The following KCNK9 variants were observed in gnomAD, a reference collection of about 807,000 sequenced individuals.
KCNK9 encodes potassium channel subfamily K member 9.
In KCNK9, 1 loss-of-function variant was observed where a neutral mutation model predicts 10.8. The observed-to-expected ratio is 0.09, with a 90% CI of 0.03 to 0.44. KCNK9 has a LOEUF of 0.44. Ranked by LOEUF, KCNK9 falls within the 20% of genes least tolerant of loss-of-function variation. The pLI, the probability that KCNK9 is intolerant of heterozygous loss-of-function variation, is 0.97. For synonymous variants in KCNK9, 231 were observed against 222.7 expected, an observed-to-expected ratio of 1.04 and a Z score of -0.33; for missense variants, 303 against 515.0, an observed-to-expected ratio of 0.59 and a Z score of 3.98.
rs747048009 is a variant in KCNK9, at chr8:139,702,864, G to C, written c.129C>G (p.Ala43=). 6.2e-6 allele frequency: 10 copies of C among 1,613,868 alleles called. No homozygotes were observed. Among genetic ancestry groups the C allele is most frequent in the African/African-American group, 1.3e-5 (1 of 74,868 alleles). Residue 43 remains alanine, a synonymous_variant, in exon 1 of 2, where the codon GCC becomes GCG. Coordinates refer to ENST00000520439, the MANE Select transcript of KCNK9 (RefSeq NM_001282534.2). This position sits in a 1 kb window ranked among gnomAD's most constrained non-coding sequence, Gnocchi z 7.5. ...HEMREEEKLK[A]EEIRIKGKYN... is the part of the protein sequence containing the mutation. ...ACTTCCCCTTGATCCGGATCTCCTC[G>C]GCTTTGAGTTTCTCCTCCTCGCGCA...
intron 2 of KCNK9, among the ~76,000 whole-genome samples, chr8:139,603,913 G>A (rs1817428272): frequency 1.3e-5 from 2 of 152,218 alleles, no homozygotes; most frequent in Admixed American, 1.3e-4. Context: ...TGGATCCCCA[G>A]TCCACATTCT....
At position 139,618,390 on chromosome 8, in the gene KCNK9, A is replaced by G; in HGVS notation, c.993T>C (p.Ser331=). Residue 331 remains serine, a synonymous_variant, in exon 2 of 2, where the codon TCT becomes TCC. Coordinates refer to ENST00000520439, the MANE Select transcript of KCNK9 (RefSeq NM_001282534.2). This position sits in a 1 kb window ranked among gnomAD's most constrained non-coding sequence, Gnocchi z 7.9. ...KLAPHYFHSI[S]YKIEEISPST... Reference sequence around the variant, plus strand: ...TTGGTGAGATCTCCTCGATCTTGTAAGAGATGGAGTGGAAGTAGTGGGGGG... The same window carrying G: ...TTGGTGAGATCTCCTCGATCTTGTAGGAGATGGAGTGGAAGTAGTGGGGGG... 1 of 1,614,026 alleles carries G rather than the reference A, an allele frequency of 6.2e-7. No individual in the cohort carries two copies. Among genetic ancestry groups the G allele is most frequent in the Non-Finnish European group, 8.5e-7 (1 of 1,179,988 alleles).
At chr8:139,630,983 CAGGGGCTCCGCTCCCTGCAAG>C (rs1361069119) in intron 1 of KCNK9, among the ~76,000 whole-genome samples, 1 of 152,228 alleles carries the variant, frequency 6.6e-6, no homozygotes, top group African/African-American at 2.4e-5. Context: ...GCCTGTGCCT[CAGGGGCTCCGCTCCCTGCAAG>C]AGGGGCTCTG....
At chr8:139,695,019 G>A (rs1817018127) in intron 1 of KCNK9, among the ~76,000 whole-genome samples, 2 of 152,220 alleles carry the variant, frequency 1.3e-5, no homozygotes, top group Non-Finnish European at 2.9e-5. Context: ...ACTCACAGAT[G>A]CACCTGAATT....
downstream of KCNK9, among the ~76,000 whole-genome samples, chr8:139,610,604 G>T (rs1338075264): frequency 6.6e-6 from 1 of 152,134 alleles, no homozygotes; most frequent in East Asian, 1.9e-4. Flanking sequence ...CCCAAACAAG[G>T]GGATGCCACA....
intron 1 of KCNK9, among the ~76,000 whole-genome samples, chr8:139,668,819 TGA>T (rs1816361078): frequency 6.6e-6 from 1 of 152,338 alleles, no homozygotes; most frequent in African/African-American, 2.4e-5. Flanking sequence ...GAACTGAGCC[TGA>T]GTATCTCTGA....
At chr8:139,617,030 A>T (rs1454455681), downstream of KCNK9, 4 of 152,234 alleles carry the variant, frequency 2.6e-5, no homozygotes, top group Admixed American at 2.0e-4. Context: ...AGTTCCCAGT[A>T]GGCCAAGACA....
Position 139,703,035 on chromosome 8 carries a change from C to A in KCNK9, c.-43G>T. 6.5e-7 allele frequency: 1 copy of A among 1,532,180 alleles called. No homozygotes were observed. The highest frequency in any genetic ancestry group is 8.7e-7 in the Non-Finnish European group (1 of 1,143,530). 94.9% of individuals were successfully genotyped at this position (1,532,180 alleles called of 1,614,324 possible). A position where few individuals can be genotyped will look rare whatever the true frequency, so the allele number is the denominator to read the frequency against. ...CGGCGCGGGGGGCATGTCCCGCAGG[C>A]TCACAGCCGCGCGCGTCCCACTGCA... On this transcript the variant is annotated 5_prime_UTR_variant, in exon 1 of 2. Coordinates refer to ENST00000520439, the MANE Select transcript of KCNK9 (RefSeq NM_001282534.2). This position sits in a 1 kb window ranked among gnomAD's most constrained non-coding sequence, Gnocchi z 6.4.
downstream of KCNK9, among the ~76,000 whole-genome samples, chr8:139,615,402 G>A (rs1814555350): frequency 6.6e-6 from 1 of 152,132 alleles, no homozygotes; most frequent in African/African-American, 2.4e-5. Flanking sequence ...GTTTTATTAA[G>A]AGAAGAAAGA....
chr8:139,655,761 A>G (rs1320521468), intron 1 of KCNK9, among the ~76,000 whole-genome samples: 3 of 152,184 alleles, frequency 2.0e-5, no homozygotes, highest in Non-Finnish European at 2.9e-5. Flanking sequence ...GGCTCTGCCA[A>G]TCAGAGCCGG....
Position 139,603,237 on chromosome 8 carries a change from G to GC in KCNK9, c.*1-1637dup, listed in dbSNP as rs79570143. Among the ~76,000 whole-genome samples, 70 of 152,292 alleles carry GC rather than the reference G, an allele frequency of 4.6e-4. 3 individuals carry two copies. In the East Asian group the frequency reaches 0.013, roughly 27 times the overall value. Reference sequence around the variant, plus strand: ...GAATATGCTCCAAAGTCTCCCACCTGCCCCCCAATTCCTCATTTGGGCAGC... The same window carrying GC: ...GAATATGCTCCAAAGTCTCCCACCTGCCCCCCCAATTCCTCATTTGGGCAGC... On this transcript the variant is annotated intron_variant, in intron 2 of 2. Transcript: ENST00000650269.
intron 1 of KCNK9, among the ~76,000 whole-genome samples, chr8:139,655,091 C>A (rs1480928521): frequency 1.3e-5 from 2 of 152,070 alleles, no homozygotes; most frequent in African/African-American, 4.8e-5. Context: ...ATCCAAATGG[C>A]CTGGTTTCTC....
intron 1 of KCNK9, 101 bp from the exon 2 acceptor site, chr8:139,619,200 G>T: frequency 7.6e-7 from 1 of 1,324,408 alleles, no homozygotes. Context: ...GCAATGCAGA[G>T]GGACCTGGTA....
At chr8:139,643,833 G>A (rs1489187481) in intron 1 of KCNK9, among the ~76,000 whole-genome samples, 1 of 152,230 alleles carries the variant, frequency 6.6e-6, no homozygotes, top group Non-Finnish European at 1.5e-5. Flanking sequence ...GCCACCTTCA[G>A]GTAGGCCCGC....
At chr8:139,636,824 G>A (rs1265983235) in intron 1 of KCNK9, among the ~76,000 whole-genome samples, 1 of 152,156 alleles carries the variant, frequency 6.6e-6, no homozygotes, top group Non-Finnish European at 1.5e-5. Flanking sequence ...TCAGCTCCAA[G>A]GTGACCTGGA....
intron 1 of KCNK9, among the ~76,000 whole-genome samples, chr8:139,627,198 G>A (rs562900683): frequency 6.6e-6 from 1 of 152,272 alleles, no homozygotes; most frequent in Admixed American, 6.5e-5. Context: ...CAGTGGCACA[G>A]CACTTTACAC....
chr8:139,626,468 T>G (rs1450285423), intron 1 of KCNK9, among the ~76,000 whole-genome samples: 1 of 151,998 alleles, frequency 6.6e-6, no homozygotes, highest in Non-Finnish European at 1.5e-5. Flanking sequence ...TGGGGTGGAG[T>G]GGAGGAGCTC....
At chr8:139,628,237 C>T (rs1261247524) in intron 1 of KCNK9, among the ~76,000 whole-genome samples, 1 of 152,216 alleles carries the variant, frequency 6.6e-6, no homozygotes, top group East Asian at 1.9e-4. Flanking sequence ...CCTTTCCTCC[C>T]TCATGGTGAG....
intron 1 of KCNK9, among the ~76,000 whole-genome samples, chr8:139,652,357 A>G (rs1316250685): frequency 6.6e-6 from 1 of 152,176 alleles, no homozygotes; most frequent in Non-Finnish European, 1.5e-5. Context: ...GCTGACTCCA[A>G]GCTCAGTGCT....
Sources: allele counts gnomAD v4.1 joint callset (sites outside exome capture counted in the v4.1 genomes callset), GRCh38; gene constraint gnomAD v4.1.1; non-coding constraint Gnocchi (gnomAD v3.1); transcripts MANE v1.5; gene names NCBI Gene and HGNC (gene_info 2026-07-23, HGNC 2026-07-21).